The following COL4A4 variants were observed in gnomAD, a reference collection of about 807,000 sequenced individuals.
The protein encoded by COL4A4 is collagen type IV alpha 4 chain.
Under a neutral mutation model 192.9 loss-of-function variants are expected in COL4A4, and 105 were observed. The ratio of observed to expected loss-of-function variants is 0.54; its 90% CI spans 0.46 to 0.64. The LOEUF (loss-of-function observed/expected upper bound fraction) is 0.64, where lower values mean the gene tolerates loss of function less well. COL4A4 is among the 30% of genes least tolerant of loss of function. The pLI is 0.00. For synonymous variants in COL4A4, 762 were observed against 769.9 expected, an observed-to-expected ratio of 0.99 and a Z score of 0.17; for missense variants, 1,967 against 2,169.3, an observed-to-expected ratio of 0.91 and a Z score of 1.85.
In COL4A4 at chr2:227,085,855, C is replaced by T. The variant is rs538846083; in HGVS notation, c.1623+2798G>A. Among the ~76,000 whole-genome samples the T allele has an allele frequency of 1.8e-4, 27 of 152,300 alleles. No individual in the cohort carries two copies. The South Asian group carries it at 2.1e-3, about 12-fold the overall frequency. On this transcript the variant is annotated intron_variant, in intron 22 of 47. Transcript: ENST00000396625. ...GATTTGGAGGGGGCACACATCCAAACGTTATCAGCCTGTGACAGTTTGCGA... is the reference window on the plus strand; with the variant it reads ...GATTTGGAGGGGGCACACATCCAAATGTTATCAGCCTGTGACAGTTTGCGA...
At chr2:227,095,810 G>T (rs1456153761) in intron 19 of COL4A4, among the ~76,000 whole-genome samples, 1 of 152,170 alleles carries the variant, frequency 6.6e-6, no homozygotes, top group South Asian at 2.1e-4. Context: ...CAGGAGAATC[G>T]CTTGAACCTG....
the COL4A4 span, among the ~76,000 whole-genome samples, chr2:226,976,387 A>G: frequency 2.0e-5 from 3 of 151,494 alleles, no homozygotes; most frequent in South Asian, 2.1e-4. Flanking sequence ...CTGCTTTGAC[A>G]TGCAGCAACA....
In COL4A4 at chr2:227,007,498, A is replaced by G. The variant is rs1559393934; in HGVS notation, c.4900T>C (p.Cys1634Arg). Reference sequence around the variant, plus strand: ...TGGCAAGTTCCCTGCCGGCCCTGGCATTCAAGGAATGGTGCTGCTCTGAAA... The same window carrying G: ...TGGCAAGTTCCCTGCCGGCCCTGGCGTTCAAGGAATGGTGCTGCTCTGAAA... ...EDFRAAPFLECQGRQGTCHFF... is the reference protein window; with the variant it reads ...EDFRAAPFLERQGRQGTCHFF... Residue 1634 changes from cysteine to arginine, a missense_variant, in exon 48 of 48, where the codon TGC (cysteine) becomes CGC (arginine). By Grantham distance (180) the Cys-to-Arg change is radical. Coordinates refer to ENST00000396625, the MANE Select transcript of COL4A4 (RefSeq NM_000092.5). 3 of 1,614,000 alleles carry G rather than the reference A, an allele frequency of 1.9e-6. No homozygotes were observed. Among genetic ancestry groups the G allele is most frequent in the African/African-American group, 1.3e-5 (1 of 74,938 alleles).
chr2:227,048,216 A>G (rs1973305817), intron 34 of COL4A4, among the ~76,000 whole-genome samples: 1 of 152,208 alleles, frequency 6.6e-6, no homozygotes, highest in South Asian at 2.1e-4. Flanking sequence ...TACAGAGGTA[A>G]GTTAGATGTA....
chr2:227,043,161 G>C lies in COL4A4; in HGVS notation c.3313C>G (p.Gln1105Glu). Reference sequence around the variant, plus strand: ...GGCCCTTGAATACCAGGCAAGCCCTGCTCTCCGGATGCTCCAAAATGCCCT... The same window carrying C: ...GGCCCTTGAATACCAGGCAAGCCCTCCTCTCCGGATGCTCCAAAATGCCCT... ...CPGHFGASGE[Q>E]GLPGIQGPRG... The change falls in exon 36 of 48, where the codon CAG becomes GAG. Residue 1105 changes from glutamine to glutamate, a missense_variant. Coordinates refer to ENST00000396625, the MANE Select transcript of COL4A4 (RefSeq NM_000092.5). 6.2e-7 allele frequency: 1 copy of C among 1,614,118 alleles called. No homozygotes were observed. The highest frequency in any genetic ancestry group is 8.5e-7 in the Non-Finnish European group (1 of 1,179,978).
At chr2:227,000,236 G>GA (rs1458228789), downstream of COL4A4, among the ~76,000 whole-genome samples, 9 of 152,218 alleles carry the variant, frequency 5.9e-5, no homozygotes, top group Non-Finnish European at 2.9e-5. Context: ...ACAGCACCTG[G>GA]AAGCTTCTAC....
At chr2:226,968,942 GT>G in the COL4A4 span, 70,112 of 154,944 alleles carry the variant, frequency 0.45, 16,050 homozygotes, top group South Asian at 0.56. Flanking sequence ...TTTGGAAACA[GT>G]TAAACATTGT....
intron 8 of COL4A4, among the ~76,000 whole-genome samples, chr2:227,112,418 G>A (rs753283192): frequency 1.9e-4 from 29 of 152,036 alleles, no homozygotes; most frequent in Non-Finnish European, 3.7e-4. Context: ...ACAGGCATGC[G>A]CCACCATGCC....
At chr2:227,125,170 G>A (rs1399242134) in intron 4 of COL4A4, among the ~76,000 whole-genome samples, 1 of 152,054 alleles carries the variant, frequency 6.6e-6, no homozygotes, top group Non-Finnish European at 1.5e-5. Flanking sequence ...AGAAACGTGT[G>A]CTGATTTGAG....
chr2:227,013,346 C>T (rs1171617770), intron 44 of COL4A4, among the ~76,000 whole-genome samples: 2 of 152,150 alleles, frequency 1.3e-5, no homozygotes, highest in African/African-American at 2.4e-5. Context: ...CCCCAAATTT[C>T]ATATGTTGAA....
chr2:227,011,349 G>A (rs547496279), intron 45 of COL4A4, among the ~76,000 whole-genome samples: 19 of 152,186 alleles, frequency 1.2e-4, no homozygotes, highest in African/African-American at 3.9e-4. Context: ...AGGCCTGCTC[G>A]TGTGTTTTGA....
chr2:227,035,303 A>C (rs958993589), intron 37 of COL4A4, among the ~76,000 whole-genome samples: 3 of 152,232 alleles, frequency 2.0e-5, no homozygotes, highest in African/African-American at 7.2e-5. Flanking sequence ...ATAGATTTAT[A>C]GGACAAATAT....
At position 227,118,748 on chromosome 2, in the gene COL4A4, G is replaced by C. The variant is rs750094664; in HGVS notation, c.386C>G (p.Pro129Arg). ...ACCAGGTTTGCCTCTGGGTCCAGGA[G>C]GCCCTGGGTGCCCCTGCAGAAAACA... ...GLDGIPGHPG[P>R]PGPRGKPGMS... Residue 129 changes from proline (P) to arginine (R), a missense_variant, in exon 7 of 48, where the codon CCT (proline) becomes CGT (arginine). Coordinates refer to ENST00000396625, the MANE Select transcript of COL4A4 (RefSeq NM_000092.5). The C allele has an allele frequency of 4.3e-6, 7 of 1,613,162 alleles. No homozygotes were observed. The highest frequency in any genetic ancestry group is 4.2e-6 in the Non-Finnish European group (5 of 1,179,732).
intron 3 of COL4A4, among the ~76,000 whole-genome samples, chr2:227,141,404 T>C (rs972921451): frequency 6.6e-6 from 1 of 152,210 alleles, no homozygotes; most frequent in Non-Finnish European, 1.5e-5. Context: ...TATATACATA[T>C]GTATGTGTGA....
chr2:227,113,807 C>T (rs933836725), intron 8 of COL4A4, among the ~76,000 whole-genome samples: 3 of 152,188 alleles, frequency 2.0e-5, no homozygotes, highest in Non-Finnish European at 2.9e-5. Context: ...GTCCATTCTG[C>T]GTGGCACAGA....
chr2:227,022,411 G>C (rs565752842), intron 43 of COL4A4: 3 of 725,972 alleles, frequency 4.1e-6, no homozygotes, highest in Non-Finnish European at 7.8e-6. Flanking sequence ...CGGGCTGACC[G>C]AATGAGTGAA....
chr2:226,970,391 C>CCTTTTTAACCTTTT, the COL4A4 span, among the ~76,000 whole-genome samples: 39 of 152,094 alleles, frequency 2.6e-4, no homozygotes, highest in African/African-American at 8.2e-4. Context: ...CTAAAATAAG[C>CCTTTTTAACCTTTT]TTTTTTCCCC....
chr2:227,080,588 G>T, intron 23 of COL4A4, 39 bp from the exon 24 acceptor site: 1 of 1,557,128 alleles, frequency 6.4e-7, no homozygotes, highest in Non-Finnish European at 8.9e-7. Flanking sequence ...GCTCTTATCA[G>T]CAGAGGGTAA....
At chr2:227,042,024 G>A in intron 37 of COL4A4, 124 bp downstream of exon 37, 1 of 758,858 alleles carries the variant, frequency 1.3e-6, no homozygotes, top group Non-Finnish European at 2.4e-6. Context: ...GATGCTAATG[G>A]CACCTACGGA....
Sources: allele counts gnomAD v4.1 joint callset (sites outside exome capture counted in the v4.1 genomes callset), GRCh38; gene constraint gnomAD v4.1.1; transcripts MANE v1.5; gene names NCBI Gene and HGNC (gene_info 2026-07-23, HGNC 2026-07-21).